The following HMGCLL1 variants were observed in gnomAD, a reference collection of about 807,000 sequenced individuals.
HMGCLL1 encodes the protein 3-hydroxymethyl-3-methylglutaryl-CoA lyase, cytoplasmic.
HMGCLL1 carries 36 observed loss-of-function variants against 39.1 expected under a neutral mutation model. That is an observed-to-expected ratio of 0.92 (90% CI 0.71 to 1.22). The LOEUF (loss-of-function observed/expected upper bound fraction) is 1.22. Among genes scored for constraint, HMGCLL1 ranks in the 50% most tolerant of loss-of-function variants. HMGCLL1 has a pLI of 0.00. For missense variants in HMGCLL1, 451 were observed against 416.5 expected (o/e 1.08, Z -0.72); for synonymous variants, 149 against 144.0 (o/e 1.03, Z -0.25).
At chr6:55,652,961 G>T in the HMGCLL1 span, among the ~76,000 whole-genome samples, 4 of 152,048 alleles carry the variant, frequency 2.6e-5, no homozygotes, top group South Asian at 2.1e-4. Flanking sequence ...TAAACAACTA[G>T]CACATTCCTT....
the HMGCLL1 span, among the ~76,000 whole-genome samples, chr6:55,645,091 C>A: frequency 1.3e-5 from 2 of 151,876 alleles, no homozygotes; most frequent in Non-Finnish European, 3.0e-5. Context: ...TTTCATAGAA[C>A]ACTGTTGTTG....
chr6:55,665,845 T>C, the HMGCLL1 span, among the ~76,000 whole-genome samples: 3 of 151,728 alleles, frequency 2.0e-5, no homozygotes, highest in Non-Finnish European at 4.4e-5. Context: ...AACATTTCAT[T>C]GAAACGTTTA....
chr6:55,584,487 C>A, the HMGCLL1 span, among the ~76,000 whole-genome samples: 1 of 152,084 alleles, frequency 6.6e-6, no homozygotes, highest in African/African-American at 2.4e-5. Flanking sequence ...TAAATTACTA[C>A]CATATAATAA....
At chr6:55,455,012 A>AG (rs35849746) in intron 7 of HMGCLL1, among the ~76,000 whole-genome samples, 2 of 151,212 alleles carry the variant, frequency 1.3e-5, no homozygotes, top group African/African-American at 4.9e-5. Flanking sequence ...GGGGAGACTG[A>AG]GAGAAGATCA....
chr6:55,619,899 G>A, the HMGCLL1 span, among the ~76,000 whole-genome samples: 1 of 151,920 alleles, frequency 6.6e-6, no homozygotes, highest in African/African-American at 2.4e-5. Flanking sequence ...GAGTTCAATT[G>A]CCTAAATTTT....
chr6:55,488,654 C>T (rs1246262167), intron 7 of HMGCLL1, among the ~76,000 whole-genome samples: 1 of 151,998 alleles, frequency 6.6e-6, no homozygotes, highest in Non-Finnish European at 1.5e-5. Context: ...ACTGTCACTT[C>T]TAGAAGAGGG....
chr6:55,660,798 T>C, the HMGCLL1 span, among the ~76,000 whole-genome samples: 1 of 151,860 alleles, frequency 6.6e-6, no homozygotes. Context: ...AATTGCCACA[T>C]CGCTTTCCAC....
At chr6:55,602,540 C>T in the HMGCLL1 span, among the ~76,000 whole-genome samples, 1 of 152,008 alleles carries the variant, frequency 6.6e-6, no homozygotes, top group East Asian at 1.9e-4. Flanking sequence ...TAATAATTAA[C>T]AATTAGGCAT....
At chr6:55,517,098 G>A (rs1209761848) in intron 3 of HMGCLL1, among the ~76,000 whole-genome samples, 1 of 152,058 alleles carries the variant, frequency 6.6e-6, no homozygotes, top group Non-Finnish European at 1.5e-5. Context: ...GCTATTTGGT[G>A]AGCATTGGTG....
Position 55,516,597 on chromosome 6 carries a change from C to T in HMGCLL1, c.304G>A (p.Asp102Asn), listed in dbSNP as rs748208064. 1.3e-6 allele frequency: 2 copies of T among 1,586,942 alleles called. No individual in the cohort carries two copies. The highest frequency in any genetic ancestry group is 1.7e-5 in the Admixed American group (1 of 59,788). Residue 102 changes from aspartate to asparagine, a missense_variant, in exon 4 of 9, where the codon GAT (aspartate) becomes AAT (asparagine). Coordinates refer to ENST00000274901, the MANE Select transcript of HMGCLL1 (RefSeq NM_001042406.2). Reference protein sequence around the residue: ...VSSRWVPQMADHTEVMKGIHQ... With the variant: ...VSSRWVPQMANHTEVMKGIHQ... ...ATGCCTTTCATTACTTCAGTGTGATCAGCCATCTTAAATACATAATAGTTA... is the reference window on the plus strand; with the variant it reads ...ATGCCTTTCATTACTTCAGTGTGATTAGCCATCTTAAATACATAATAGTTA...
At chr6:55,520,246 T>TAATA (rs34163936) in intron 3 of HMGCLL1, among the ~76,000 whole-genome samples, 21,602 of 143,698 alleles carry the variant, frequency 0.15, 1,674 homozygotes, top group African/African-American at 0.2. Flanking sequence ...TAAAGTATAA[T>TAATA]AATAAATAAA....
the HMGCLL1 span, among the ~76,000 whole-genome samples, chr6:55,670,352 TA>T: frequency 2.0e-5 from 3 of 151,420 alleles, no homozygotes; most frequent in East Asian, 1.9e-4. Context: ...AAAGAATTGT[TA>T]AAAAAAAGTA....
chr6:55,471,231 C>A (rs562575729), intron 7 of HMGCLL1, among the ~76,000 whole-genome samples: 1 of 151,878 alleles, frequency 6.6e-6, no homozygotes, highest in South Asian at 2.1e-4. Context: ...TTTTTCAGTT[C>A]AACCTGTGTG....
the HMGCLL1 span, among the ~76,000 whole-genome samples, chr6:55,630,613 T>C: frequency 2.6e-5 from 4 of 151,928 alleles, no homozygotes; most frequent in African/African-American, 9.7e-5. Context: ...TGTGGGGACA[T>C]GTAAATTCCC....
At chr6:55,521,893 A>G (rs1005946368) in intron 3 of HMGCLL1, among the ~76,000 whole-genome samples, 6 of 152,104 alleles carry the variant, frequency 3.9e-5, no homozygotes, top group South Asian at 2.1e-4. Context: ...CCGATAGGTG[A>G]TAAACCAGGC....
the HMGCLL1 span, among the ~76,000 whole-genome samples, chr6:55,657,106 G>T: frequency 2.0e-5 from 3 of 151,928 alleles, no homozygotes; most frequent in Middle Eastern, 0.01. Flanking sequence ...TTATACCTTT[G>T]TCAGATGCAT....
chr6:55,558,937 T>C (rs1770804182), intron 1 of HMGCLL1, among the ~76,000 whole-genome samples: 1 of 152,200 alleles, frequency 6.6e-6, no homozygotes, highest in Non-Finnish European at 1.5e-5. Context: ...ATGATTTTGG[T>C]TATCTAAATC....
intron 7 of HMGCLL1, among the ~76,000 whole-genome samples, chr6:55,487,576 T>C (rs1191611168): frequency 1.3e-5 from 2 of 152,100 alleles, no homozygotes; most frequent in Admixed American, 6.6e-5. Flanking sequence ...GATAGTTTAC[T>C]GAAAATGATG....
intron 1 of HMGCLL1, among the ~76,000 whole-genome samples, chr6:55,574,737 C>T (rs1315959583): frequency 1.3e-5 from 2 of 151,932 alleles, no homozygotes; most frequent in Non-Finnish European, 1.5e-5. Flanking sequence ...AACAACTACA[C>T]AGTTGCAGGC....
Sources: gnomAD v4.1 joint callset for allele counts (sites outside exome capture counted in the v4.1 genomes callset) on GRCh38, gnomAD v4.1.1 for gene constraint, MANE v1.5 for transcripts, NCBI Gene and HGNC (gene_info 2026-07-23, HGNC 2026-07-21) for gene names.